The following EYS variants were observed in gnomAD, a reference collection of about 807,000 sequenced individuals.
EYS encodes the protein EGF-like photoreceptor maintenance factor.
In EYS, 250 loss-of-function variants were observed where a neutral mutation model predicts 282.1. The ratio of observed to expected loss-of-function variants is 0.89; its 90% confidence interval spans 0.80 to 0.98. The LOEUF (loss-of-function observed/expected upper bound fraction) is 0.98, where lower values mean the gene tolerates loss of function less well. Among genes scored for constraint, EYS ranks in the 50% least tolerant of loss-of-function variants. The pLI, the probability that EYS is intolerant of heterozygous loss-of-function variation, is 0.00. For synonymous variants in EYS, 1,355 were observed against 1,282.9 expected (o/e 1.06, Z -1.20); for missense variants, 4,016 against 3,709.0 (o/e 1.08, Z -2.15).
intron 30 of EYS, among the ~76,000 whole-genome samples, chr6:64,239,771 T>A (rs1057088129): frequency 8.5e-5 from 13 of 152,210 alleles, no homozygotes; most frequent in Non-Finnish European, 1.5e-5. Context: ...AAATCCTGTT[T>A]GTCTATTTTA....
chr6:65,307,464 A>G (rs942678191), intron 11 of EYS, among the ~76,000 whole-genome samples: 1 of 151,706 alleles, frequency 6.6e-6, no homozygotes, highest in African/African-American at 2.4e-5. Flanking sequence ...CAGCTGTCTC[A>G]TGTATTTTGT....
intron 22 of EYS, among the ~76,000 whole-genome samples, chr6:64,743,986 T>TAG (rs1772465354): frequency 6.6e-6 from 1 of 152,150 alleles, no homozygotes; most frequent in Non-Finnish European, 1.5e-5. Context: ...CTATAATGCA[T>TAG]AGATGACTCT....
intron 15 of EYS, among the ~76,000 whole-genome samples, chr6:64,917,320 CTA>C (rs760135178): frequency 6.6e-6 from 1 of 151,530 alleles, no homozygotes; most frequent in African/African-American, 2.4e-5. Context: ...ACTAAGCATT[CTA>C]TATGTTTACC....
intron 14 of EYS, among the ~76,000 whole-genome samples, chr6:64,994,473 A>C (rs1326648200): frequency 2.0e-5 from 3 of 152,262 alleles, no homozygotes; most frequent in Admixed American, 6.5e-5. Context: ...TCATCTGGAC[A>C]GTCCAGCTCA....
intron 33 of EYS, among the ~76,000 whole-genome samples, chr6:64,060,098 C>T (rs1430286541): frequency 6.6e-6 from 1 of 152,108 alleles, no homozygotes; most frequent in Non-Finnish European, 1.5e-5. Context: ...ATTCAAAAGT[C>T]ACCATCTGTT....
intron 16 of EYS, among the ~76,000 whole-genome samples, chr6:64,909,259 G>C (rs921049675): frequency 2.6e-5 from 4 of 152,010 alleles, no homozygotes; most frequent in Non-Finnish European, 5.9e-5. Context: ...GCAGTTACAA[G>C]ATAGATATGT....
At chr6:65,393,067 C>G in intron 7 of EYS, among the ~76,000 whole-genome samples, 1 of 149,420 alleles carries the variant, frequency 6.7e-6, no homozygotes, top group Non-Finnish European at 1.5e-5. Flanking sequence ...TAAACTATGG[C>G]AAGAACAAAA....
rs191386766 is a variant in EYS at position 65,065,559 on chromosome 6, T to A, written c.2024-7832A>T. Among the ~76,000 whole-genome samples the A allele has an allele frequency of 1.9e-3, 290 of 151,516 alleles. 2 individuals are homozygous for A. The highest frequency in any genetic ancestry group is 6.8e-3 in the African/African-American group (280 of 41,308). On this transcript the variant is annotated intron_variant, in intron 12 of 42. Transcript: ENST00000503581. ...CACCACGCCTGGCTATTTTTTTTTT[T>A]AATTTCTAGTAGAGACGGGGTTTCA...
intron 2 of EYS, among the ~76,000 whole-genome samples, chr6:65,509,555 G>T (rs887861305): frequency 6.6e-6 from 1 of 151,892 alleles, no homozygotes; most frequent in Admixed American, 6.6e-5. Flanking sequence ...TGTTATTTGG[G>T]TTTTTTGTTT....
At chr6:64,671,902 C>A (rs1282907620) in intron 22 of EYS, among the ~76,000 whole-genome samples, 2 of 151,728 alleles carry the variant, frequency 1.3e-5, no homozygotes, top group Non-Finnish European at 1.5e-5. Context: ...AGAAAAAAAA[C>A]AATAATTTAT....
intron 31 of EYS, among the ~76,000 whole-genome samples, chr6:64,172,304 A>G (rs1764502415): frequency 6.6e-6 from 1 of 152,144 alleles, no homozygotes; most frequent in South Asian, 2.1e-4. Flanking sequence ...TATACTCAGA[A>G]TGTTATACAG....
At chr6:63,733,331 T>C (rs954668093) in intron 41 of EYS, among the ~76,000 whole-genome samples, 4 of 152,158 alleles carry the variant, frequency 2.6e-5, no homozygotes, top group Non-Finnish European at 4.4e-5. Flanking sequence ...TGCAAGTTTG[T>C]TATATGGGTA....
chr6:64,183,234 G>A (rs1764839794), intron 31 of EYS, among the ~76,000 whole-genome samples: 1 of 152,104 alleles, frequency 6.6e-6, no homozygotes, highest in African/African-American at 2.4e-5. Context: ...GCGGAACTGT[G>A]AGTTAATTGA....
At chr6:64,970,550 TTA>T (rs1416554454) in intron 14 of EYS, among the ~76,000 whole-genome samples, 3 of 152,156 alleles carry the variant, frequency 2.0e-5, no homozygotes, top group African/African-American at 7.2e-5. Flanking sequence ...ATCCCAAGTG[TTA>T]TGAGTAGCCA....
intron 33 of EYS, among the ~76,000 whole-genome samples, chr6:64,004,907 T>C (rs889163377): frequency 3.9e-5 from 6 of 152,202 alleles, no homozygotes; most frequent in African/African-American, 1.2e-4. Flanking sequence ...CTATTGTGAA[T>C]AGTGCTGTGA....
chr6:65,589,175 A>T (rs1250124214), intron 2 of EYS, among the ~76,000 whole-genome samples: 2 of 151,958 alleles, frequency 1.3e-5, no homozygotes, highest in East Asian at 3.9e-4. Context: ...CTGAATGGAA[A>T]CTATTTTTCT....
At chr6:63,836,719 C>T (rs1056513951) in intron 36 of EYS, among the ~76,000 whole-genome samples, 3 of 151,812 alleles carry the variant, frequency 2.0e-5, no homozygotes, top group Admixed American at 1.3e-4. Context: ...CCTTTTGCAC[C>T]AACCAAATAG....
chr6:64,139,580 T>C (rs1198383332), intron 31 of EYS, among the ~76,000 whole-genome samples: 2 of 152,196 alleles, frequency 1.3e-5, no homozygotes, highest in East Asian at 3.8e-4. Flanking sequence ...ATTTTGTCAC[T>C]GAAGTCTAAT....
chr6:65,158,967 G>T (rs1227393917), intron 12 of EYS, among the ~76,000 whole-genome samples: 1 of 150,764 alleles, frequency 6.6e-6, no homozygotes, highest in Non-Finnish European at 1.5e-5. Flanking sequence ...TTTTAGCATT[G>T]CACTGAGAGG....
Sources: gnomAD v4.1 joint callset for allele counts (sites outside exome capture counted in the v4.1 genomes callset) on GRCh38, gnomAD v4.1.1 for gene constraint, MANE v1.5 for transcripts, NCBI Gene and HGNC (gene_info 2026-07-23, HGNC 2026-07-21) for gene names.